The following ATRN variants were observed in gnomAD, a reference collection of about 807,000 sequenced individuals.
The protein encoded by ATRN is attractin.
ATRN carries 54 observed loss-of-function variants against 178.7 expected under a neutral mutation model. That is an observed-to-expected ratio of 0.30 (90% CI 0.24 to 0.38). ATRN has a LOEUF of 0.38. ATRN is among the 10% of genes least tolerant of loss of function. ATRN has a pLI of 1.00. For synonymous variants in ATRN, 636 were observed against 663.0 expected, an observed-to-expected ratio of 0.96 and a Z score of 0.63; for missense variants, 1,443 against 1,815.1, an observed-to-expected ratio of 0.79 and a Z score of 3.73.
chr20:3,597,169 G>A (rs1159995953), intron 21 of ATRN, among the ~76,000 whole-genome samples: 1 of 150,668 alleles, frequency 6.6e-6, no homozygotes, highest in East Asian at 1.9e-4. Flanking sequence ...TAAATAAAAA[G>A]TAGACTAATG....
chr20:3,541,681 C>T (rs6107307), intron 3 of ATRN, among the ~76,000 whole-genome samples: 7,837 of 152,182 alleles, frequency 0.051, 608 homozygotes, highest in African/African-American at 0.17. Context: ...TCTCATGCAA[C>T]CTCTGTCATA....
chr20:3,483,594 G>C (rs572455447), intron 1 of ATRN, among the ~76,000 whole-genome samples: 26 of 152,260 alleles, frequency 1.7e-4, no homozygotes, highest in African/African-American at 4.8e-4. Context: ...CAATTTGCCT[G>C]CCTGGGGCTC....
intron 25 of ATRN, among the ~76,000 whole-genome samples, chr20:3,627,838 C>A (rs915999684): frequency 6.6e-6 from 1 of 152,194 alleles, no homozygotes; most frequent in African/African-American, 2.4e-5. Flanking sequence ...TAAGTTTTGT[C>A]ATAGTGAAAA....
At chr20:3,633,530 G>A (rs940869186) in intron 25 of ATRN, among the ~76,000 whole-genome samples, 2 of 152,188 alleles carry the variant, frequency 1.3e-5, no homozygotes, top group Admixed American at 6.5e-5. Flanking sequence ...TAGCACTCTG[G>A]AAAAATACCC....
At chr20:3,591,134 AT>A in intron 18 of ATRN, 34 bp from the exon 19 acceptor site, 1 of 1,561,402 alleles carries the variant, frequency 6.4e-7, no homozygotes, top group South Asian at 1.2e-5. Context: ...CAGTTCTTCC[AT>A]GGTACAGACC....
intron 18 of ATRN, among the ~76,000 whole-genome samples, chr20:3,587,195 A>G (rs753884680): frequency 4.6e-5 from 7 of 152,044 alleles, no homozygotes; most frequent in African/African-American, 4.8e-5. Flanking sequence ...CACTTTCTTA[A>G]TATGCCTTTT....
At chr20:3,485,587 G>T (rs2084678771) in intron 1 of ATRN, among the ~76,000 whole-genome samples, 1 of 113,568 alleles carries the variant, frequency 8.8e-6, no homozygotes. Flanking sequence ...TTTAGATTTG[G>T]TTTGCCAATA....
chr20:3,483,720 T>G (rs547672264), intron 1 of ATRN, among the ~76,000 whole-genome samples: 3 of 152,172 alleles, frequency 2.0e-5, no homozygotes, highest in Non-Finnish European at 4.4e-5. Context: ...CTTCAGTCTT[T>G]TGAAACACCT....
intron 1 of ATRN, among the ~76,000 whole-genome samples, chr20:3,504,245 T>C (rs189326343): frequency 1.1e-3 from 175 of 152,264 alleles, no homozygotes; most frequent in African/African-American, 4.0e-3. Context: ...CTAAAGAATT[T>C]GTTGCTAGCA....
intron 16 of ATRN, 74 bp from the exon 17 acceptor site, chr20:3,583,820 AAAAG>A (rs1468432024): frequency 1.8e-4 from 250 of 1,400,174 alleles, no homozygotes; most frequent in East Asian, 7.9e-4. Flanking sequence ...AAAAAAAAAG[AAAAG>A]AAAGAAAGAA....
In ATRN at chr20:3,558,403, A is replaced by G. The variant is rs140837691; in HGVS notation, c.1113-990A>G. 2.0e-5 allele frequency among the ~76,000 whole-genome samples: 3 copies of G among 151,972 alleles called. No individual in the cohort carries two copies. The East Asian group carries it at 5.8e-4, about 29-fold the overall frequency. On this transcript the variant is annotated intron_variant, in intron 6 of 28. Coordinates refer to ENST00000262919, the MANE Select transcript of ATRN (RefSeq NM_139321.3). ...ACATTTATTTGTATTCTTTTTTGCT[A>G]TTGTGATAAACTTTCTTATACCTTT... is the stretch of plus-strand genomic sequence containing the variant.
chr20:3,634,481 A>C (rs913593006), intron 26 of ATRN, 92 bp downstream of exon 26: 2 of 1,127,916 alleles, frequency 1.8e-6, no homozygotes, highest in African/African-American at 3.1e-5. Context: ...CTATTTAGTG[A>C]TAATGGACAG....
intron 1 of ATRN, among the ~76,000 whole-genome samples, chr20:3,520,277 G>GT (rs773256766): frequency 2.0e-5 from 3 of 152,198 alleles, no homozygotes; most frequent in Non-Finnish European, 4.4e-5. Flanking sequence ...AAGGGTAGAT[G>GT]TATCTTAGGA....
intron 1 of ATRN, among the ~76,000 whole-genome samples, chr20:3,476,774 C>T (rs1238778054): frequency 3.3e-5 from 5 of 152,290 alleles, no homozygotes; most frequent in South Asian, 2.1e-4. Flanking sequence ...GCAGGAGAAT[C>T]GCTCAAATCC....
At chr20:3,568,289 C>CAA (rs753556911) in intron 11 of ATRN, among the ~76,000 whole-genome samples, 57 of 118,490 alleles carry the variant, frequency 4.8e-4, no homozygotes, top group African/African-American at 1.6e-3. Flanking sequence ...GAGACTGTGT[C>CAA]AAAAAAAAAA....
intron 1 of ATRN, among the ~76,000 whole-genome samples, chr20:3,472,052 C>T (rs942439318): frequency 1.3e-5 from 2 of 152,152 alleles, no homozygotes; most frequent in Non-Finnish European, 2.9e-5. Flanking sequence ...ACCAGTGGTC[C>T]TTCTAAAGGA....
intron 9 of ATRN, 139 bp from the exon 10 acceptor site, chr20:3,563,070 C>G (rs2085977342): frequency 6.9e-6 from 5 of 726,298 alleles, no homozygotes; most frequent in East Asian, 2.9e-5. Flanking sequence ...GAAAAACTTA[C>G]TTTTATGTAG....
intron 26 of ATRN, among the ~76,000 whole-genome samples, chr20:3,637,301 T>A (rs1007610241): frequency 2.6e-5 from 4 of 152,226 alleles, no homozygotes; most frequent in Non-Finnish European, 4.4e-5. Context: ...CGGCTGACGC[T>A]GTTTAGTCCT....
At chr20:3,625,345 T>C (rs534753178) in intron 25 of ATRN, among the ~76,000 whole-genome samples, 1 of 152,342 alleles carries the variant, frequency 6.6e-6, no homozygotes, top group Admixed American at 6.5e-5. Context: ...TGTATCATAA[T>C]GCATGGCTAA....
Sources: gnomAD v4.1 joint callset for allele counts (sites outside exome capture counted in the v4.1 genomes callset) on GRCh38, gnomAD v4.1.1 for gene constraint, MANE v1.5 for transcripts, NCBI Gene and HGNC (gene_info 2026-07-23, HGNC 2026-07-21) for gene names.